Variants in COL26A1 observed in about 807,000 individuals in gnomAD.
COL26A1 encodes collagen alpha-1(XXVI) chain.
Under a neutral mutation model 59.3 loss-of-function variants are expected in COL26A1, and 41 were observed. That is an observed-to-expected ratio of 0.69 (90% CI 0.54 to 0.90). The LOEUF is 0.90. Ranked by LOEUF, COL26A1 falls within the 40% of genes least tolerant of loss-of-function variation. The pLI is 0.00. For missense variants in COL26A1, 612 were observed against 602.3 expected, an observed-to-expected ratio of 1.02 and a Z score of -0.17; for synonymous variants, 266 against 256.0, an observed-to-expected ratio of 1.04 and a Z score of -0.37.
chr7:101,464,514 C>T (rs943455920), intron 3 of COL26A1, among the ~76,000 whole-genome samples: 4 of 151,614 alleles, frequency 2.6e-5, no homozygotes, highest in Non-Finnish European at 4.4e-5. Context: ...CGGGTTCAAA[C>T]GATTCTCCTG....
intron 3 of COL26A1, among the ~76,000 whole-genome samples, chr7:101,528,234 A>G (rs545494849): frequency 5.9e-5 from 9 of 152,238 alleles, no homozygotes; most frequent in South Asian, 2.1e-4. Flanking sequence ...CATAATTTCC[A>G]GAAATAGGTC....
At chr7:101,549,490 C>T (rs746517859) in intron 9 of COL26A1, among the ~76,000 whole-genome samples, 7 of 152,202 alleles carry the variant, frequency 4.6e-5, no homozygotes, top group Non-Finnish European at 1.0e-4. Flanking sequence ...AAGTGATTCT[C>T]CTGCCTCAGC....
chr7:101,407,726 C>A (rs1454778656), intron 1 of COL26A1, among the ~76,000 whole-genome samples: 1 of 151,706 alleles, frequency 6.6e-6, no homozygotes, highest in African/African-American at 2.4e-5. Context: ...TAAAACATAC[C>A]CCCTAGCACC....
chr7:101,514,813 T>C (rs1794996113), intron 3 of COL26A1, among the ~76,000 whole-genome samples: 1 of 152,184 alleles, frequency 6.6e-6, no homozygotes. Flanking sequence ...AGAATCTGCA[T>C]CTCCAGCTAC....
At chr7:101,476,913 G>A (rs868296647) in intron 3 of COL26A1, among the ~76,000 whole-genome samples, 1 of 150,294 alleles carries the variant, frequency 6.7e-6, no homozygotes, top group Admixed American at 6.7e-5. Flanking sequence ...GCACGATCTC[G>A]GCTCACTACA....
At chr7:101,442,732 G>T (rs1390225874) in intron 2 of COL26A1, among the ~76,000 whole-genome samples, 1 of 152,002 alleles carries the variant, frequency 6.6e-6, no homozygotes, top group Non-Finnish European at 1.5e-5. Flanking sequence ...GAGGCTGAGT[G>T]TGTGTTTATC....
chr7:101,372,262 T>C (rs1254615947), intron 1 of COL26A1, among the ~76,000 whole-genome samples: 3 of 151,572 alleles, frequency 2.0e-5, no homozygotes, highest in Non-Finnish European at 4.4e-5. Flanking sequence ...GCCTCCAGGG[T>C]TCAAGCGATT....
At chr7:101,447,123 G>GT (rs1562984246) in intron 2 of COL26A1, among the ~76,000 whole-genome samples, 1 of 152,108 alleles carries the variant, frequency 6.6e-6, no homozygotes, top group Admixed American at 6.5e-5. Context: ...GGTCTGGGTG[G>GT]TATCAGCTGA....
intron 3 of COL26A1, among the ~76,000 whole-genome samples, chr7:101,508,273 A>G (rs1380566416): frequency 6.6e-6 from 1 of 152,128 alleles, no homozygotes; most frequent in African/African-American, 2.4e-5. Context: ...TATAATCCGA[A>G]CAGTTTTGGA....
chr7:101,535,299 A>G (rs979851116), intron 4 of COL26A1, among the ~76,000 whole-genome samples: 13 of 152,112 alleles, frequency 8.5e-5, no homozygotes, highest in African/African-American at 3.1e-4. Context: ...AGCTTCTGGC[A>G]CCTGAGATTT....
chr7:101,429,589 CTTTTTTTTT>C (rs58432413), intron 2 of COL26A1, among the ~76,000 whole-genome samples: 2 of 78,700 alleles, frequency 2.5e-5, no homozygotes, highest in Non-Finnish European at 4.7e-5. Flanking sequence ...TTCTTTTTTA[CTTTTTTTTT>C]TTTTTTTTTT....
In COL26A1 at chr7:101,545,456, C is replaced by A. The variant is rs576300420; in HGVS notation, c.822C>A (p.Ala274=). 1 of 1,608,966 alleles carries A rather than the reference C, an allele frequency of 6.2e-7. No individual in the cohort carries two copies. The highest frequency in any genetic ancestry group is 1.7e-4 in the Middle Eastern group (1 of 5,882). Residue 274 remains alanine, a synonymous_variant, in exon 7 of 13, where the codon GCC becomes GCA. Transcript: ENST00000313669. ...PGPSPNSPQG[A]LYSLQPPTDK... ...CCTCACCAAACAGCCCCCAGGGCGC[C>A]CTCTACTCCCTGCAGCCGCCTACAG... is the stretch of plus-strand genomic sequence containing the variant.
At chr7:101,413,075 G>T (rs955524711) in intron 1 of COL26A1, among the ~76,000 whole-genome samples, 1 of 152,132 alleles carries the variant, frequency 6.6e-6, no homozygotes, top group African/African-American at 2.4e-5. Flanking sequence ...TCTATTAACC[G>T]CCAATTAAGG....
In COL26A1 at chr7:101,488,521, G is replaced by A. The variant is rs188513833; in HGVS notation, c.385+40734G>A. Among the ~76,000 whole-genome samples the A allele has an allele frequency of 4.2e-3, 621 of 149,390 alleles. 4 individuals carry two copies. Among genetic ancestry groups the A allele is most frequent in the South Asian group, 6.9e-3 (31 of 4,480 alleles). ...CTCCTGAGTAGCTGGGATTATAGGT[G>A]CCCGCCACCACGCCCGGCTATTTTT... On this transcript the variant is annotated intron_variant, in intron 3 of 12. Coordinates refer to ENST00000313669, the MANE Select transcript of COL26A1 (RefSeq NM_001278563.3).
intron 3 of COL26A1, among the ~76,000 whole-genome samples, chr7:101,485,469 C>T (rs1046506433): frequency 1.3e-5 from 2 of 152,192 alleles, no homozygotes; most frequent in Non-Finnish European, 2.9e-5. Flanking sequence ...AACCAAGACT[C>T]CCCTGGGACA....
chr7:101,473,700 A>C (rs1297940151), intron 3 of COL26A1, among the ~76,000 whole-genome samples: 5 of 150,786 alleles, frequency 3.3e-5, no homozygotes, highest in African/African-American at 1.2e-4. Context: ...CAAAACAAAA[A>C]AAATTAGCCA....
At chr7:101,446,875 G>GAGAA (rs1429607841) in intron 2 of COL26A1, among the ~76,000 whole-genome samples, 1 of 151,708 alleles carries the variant, frequency 6.6e-6, no homozygotes, top group Non-Finnish European at 1.5e-5. Context: ...GAGAGAGAGA[G>GAGAA]AGAAAGAGTA....
Position 101,557,504 on chromosome 7 carries a change from G to T in COL26A1, c.1300G>T (p.Val434Leu). 1 of 1,611,898 alleles carries T rather than the reference G, an allele frequency of 6.2e-7. No individual in the cohort carries two copies. The change falls in exon 13 of 13, where the codon GTG (valine) becomes TTG (leucine). Residue 434 changes from valine to leucine, a missense_variant. Transcript: ENST00000313669. ...LLGPDPGQKS[V>L]DQASSRK is the part of the protein sequence containing the mutation. ...TGGGCCCGACCCTGGACAGAAGAGC[G>T]TGGACCAGGCCAGCAGCAGGAAGTG...
At chr7:101,401,452 A>G (rs1791993034) in intron 1 of COL26A1, among the ~76,000 whole-genome samples, 1 of 151,634 alleles carries the variant, frequency 6.6e-6, no homozygotes, top group South Asian at 2.1e-4. Context: ...GAGAAAGAGG[A>G]GAGAAGGAAG....
Sources: allele counts gnomAD v4.1 joint callset (sites outside exome capture counted in the v4.1 genomes callset), GRCh38; gene constraint gnomAD v4.1.1; transcripts MANE v1.5; gene names NCBI Gene and HGNC (gene_info 2026-07-23, HGNC 2026-07-21).